Variants in ZNF556 observed in about 807,000 individuals in gnomAD.
The protein encoded by ZNF556 is zinc finger protein 556.
Under a neutral mutation model 13.6 loss-of-function variants are expected in ZNF556, and 11 were observed. That is an observed-to-expected ratio of 0.81 (90% CI 0.51 to 1.33). The LOEUF is 1.33. Among genes scored for constraint, ZNF556 ranks in the 40% most tolerant of loss-of-function variants. The pLI, the probability that ZNF556 is intolerant of heterozygous loss-of-function variation, is 0.00. For missense variants in ZNF556, 633 were observed against 566.2 expected (o/e 1.12, Z -1.20); for synonymous variants, 229 against 207.8 (o/e 1.10, Z -0.88).
At chr19:2,872,097 A>T (rs1407490279) in intron 1 of ZNF556, among the ~76,000 whole-genome samples, 1 of 152,160 alleles carries the variant, frequency 6.6e-6, no homozygotes, top group Admixed American at 6.6e-5. Context: ...GGAACATGAA[A>T]GCGGACTAGG....
chr19:2,877,881 T>C lies in ZNF556; in HGVS notation c.923T>C (p.Ile308Thr). Reference protein sequence around the residue: ...WATSFQRHVRIHNGEKPYKCG... With the variant: ...WATSFQRHVRTHNGEKPYKCG... ...ACATCCTTTCAACGACACGTGAGAA[T>C]TCACAACGGGGAGAAACCCTATAAG... The change falls in exon 4 of 4, where the codon ATT becomes ACT. Residue 308 changes from isoleucine to threonine, a missense_variant. Physicochemically the swap from Ile to Thr is moderately conservative, Grantham distance 89. Coordinates refer to ENST00000307635, the MANE Select transcript of ZNF556 (RefSeq NM_024967.3). 6.2e-7 allele frequency: 1 copy of C among 1,614,156 alleles called. No individual in the cohort carries two copies. The highest frequency in any genetic ancestry group is 2.2e-5 in the East Asian group (1 of 44,868).
intron 3 of ZNF556, among the ~76,000 whole-genome samples, chr19:2,876,661 G>A (rs566271123): frequency 5.3e-5 from 8 of 152,048 alleles, no homozygotes; most frequent in African/African-American, 1.7e-4. Context: ...GTTGCAGCAA[G>A]CCAAGATCGT....
intron 2 of ZNF556, among the ~76,000 whole-genome samples, 179 bp downstream of exon 2, chr19:2,873,801 T>A (rs1317454868): frequency 7.0e-6 from 1 of 142,146 alleles, no homozygotes; most frequent in Non-Finnish European, 1.5e-5. Context: ...AAAAAAAAAA[T>A]CAAAAATTAG....
chr19:2,873,582 A>G lies in ZNF556; in HGVS notation c.90A>G (p.Arg30=), dbSNP rs980276951. Residue 30 remains arginine (R), a synonymous_variant, in exon 2 of 4, where the codon AGA becomes AGG. Transcript: ENST00000307635. ...ATCCTGCTCAGAGAAAACTCTACAG[A>G]GATGTCATGCTGGAGACCTTCAAGC... is the stretch of plus-strand genomic sequence containing the variant. ...LLNPAQRKLY[R]DVMLETFKHL... 2 of 1,614,158 alleles carry G rather than the reference A, an allele frequency of 1.2e-6. No individual in the cohort carries two copies. Among genetic ancestry groups the G allele is most frequent in the Middle Eastern group, 1.6e-4 (1 of 6,062 alleles).
rs1204608792 is a variant in ZNF556, at chr19:2,878,136, C to G, written c.1178C>G (p.Thr393Ser). ...TTACACAAACATGAGAGAAAGCACA[C>G]TGGGGAGAAACCTGTAAATGCAGCC... ...SSLHKHERKH[T>S]GEKPVNAASV... The change falls in exon 4 of 4, where the codon ACT (threonine) becomes AGT (serine). Residue 393 changes from threonine to serine, a missense_variant. Physicochemically the swap from Thr to Ser is moderately conservative, Grantham distance 58. Coordinates refer to ENST00000307635, the MANE Select transcript of ZNF556 (RefSeq NM_024967.3). 2.9e-5 allele frequency: 47 copies of G among 1,614,018 alleles called. No homozygotes were observed. Among genetic ancestry groups the G allele is most frequent in the Non-Finnish European group, 3.6e-5 (43 of 1,180,028 alleles).
At position 2,880,515 on chromosome 19, in the gene ZNF556, T is replaced by A. The variant is rs1195633100; in HGVS notation, c.*2186T>A. On this transcript the variant is annotated 3_prime_UTR_variant, in exon 4 of 4. Transcript: ENST00000307635. ...CAGGCACAGTGGCTCACGCCTGTAA[T>A]CCCAGCACTTTGGGGAGGCCAAGGC... 6.6e-6 allele frequency: 1 copy of A among 152,198 alleles called. No homozygotes were observed. The highest frequency in any genetic ancestry group is 2.4e-5 in the African/African-American group (1 of 41,454). The allele number at this position is 152,198 out of a possible 1,614,324, so 9.4% of individuals were successfully genotyped here. A position where few individuals can be genotyped will look rare whatever the true frequency, so the allele number is the denominator to read the frequency against.
intron 1 of ZNF556, among the ~76,000 whole-genome samples, chr19:2,872,588 A>ATAAC (rs1398805949): frequency 6.6e-6 from 1 of 152,174 alleles, no homozygotes; most frequent in East Asian, 1.9e-4. Context: ...TATATCTGGT[A>ATAAC]TAACTATTCT....
In ZNF556 at chr19:2,867,750, C is replaced by T. The variant is rs373403274; in HGVS notation, c.3+326C>T. Among the ~76,000 whole-genome samples, 105 of 148,732 alleles carry T rather than the reference C, an allele frequency of 7.1e-4. 4 individuals are homozygous for T. The South Asian group carries it at 0.022, about 31-fold the overall frequency. On this transcript the variant is annotated intron_variant, in intron 1 of 3. Coordinates refer to ENST00000307635, the MANE Select transcript of ZNF556 (RefSeq NM_024967.3). Reference sequence around the variant, plus strand: ...AAAAAAAAAAAAAACCTCACCCCAGCGAGGCGGTGCAACAGCCCCAAAGCA... The same window carrying T: ...AAAAAAAAAAAAAACCTCACCCCAGTGAGGCGGTGCAACAGCCCCAAAGCA...
intron 1 of ZNF556, among the ~76,000 whole-genome samples, chr19:2,872,818 CA>C (rs770269518): frequency 0.16 from 12,096 of 74,986 alleles, 532 homozygotes; most frequent in South Asian, 0.21. Context: ...GACTCCATCT[CA>C]AAAAAAAAAA....
At chr19:2,872,209 G>A (rs2087808887) in intron 1 of ZNF556, among the ~76,000 whole-genome samples, 1 of 152,074 alleles carries the variant, frequency 6.6e-6, no homozygotes, top group Admixed American at 6.6e-5. Context: ...AGGTGGAGGA[G>A]TAGAGTCTTC....
Position 2,876,148 on chromosome 19 carries a change from A to G in ZNF556, c.186A>G (p.Gly62=). The change falls in exon 3 of 4, where the codon GGA becomes GGG. Residue 62 remains glycine, a synonymous_variant. Coordinates refer to ENST00000307635, the MANE Select transcript of ZNF556 (RefSeq NM_024967.3). The part of the protein sequence containing the change: ...SGSISQQDTS[G]EKLSLKQKIE... ...CTATTTCTCAGCAGGATACTTCTGG[A>G]GAAAAATTATCCCTCAAACAGAAAA... 1 of 1,612,958 alleles carries G rather than the reference A, an allele frequency of 6.2e-7. No homozygotes were observed. The highest frequency in any genetic ancestry group is 8.5e-7 in the Non-Finnish European group (1 of 1,179,732).
Position 2,881,558 on chromosome 19 carries a change from CAA to C in ZNF556, c.*3230_*3231del, listed in dbSNP as rs1039948460. ...CGCCACTGCACTCCAGCCTGGGCGA[CAA>C]GAGTAAGACTCCATCTCAAAAAAAA... On this transcript the variant is annotated 3_prime_UTR_variant, in exon 4 of 4. Transcript: ENST00000307635. 3 of 147,548 alleles carry C rather than the reference CAA, an allele frequency of 2.0e-5. No individual in the cohort carries two copies. The highest frequency in any genetic ancestry group is 3.0e-5 in the Non-Finnish European group (2 of 67,200). 9.1% of individuals were successfully genotyped at this position (147,548 alleles called of 1,614,324 possible).
intron 2 of ZNF556, among the ~76,000 whole-genome samples, chr19:2,874,501 T>C (rs1308238837): frequency 6.6e-6 from 1 of 151,834 alleles, no homozygotes; most frequent in African/African-American, 2.4e-5. Context: ...TACCAGCACT[T>C]TGGGAGGCCG....
rs1253034962 is a variant in ZNF556 at position 2,879,251 on chromosome 19, A to G, written c.*922A>G. 1 of 152,192 alleles carries G rather than the reference A, an allele frequency of 6.6e-6. No homozygotes were observed. The highest frequency in any genetic ancestry group is 2.4e-5 in the African/African-American group (1 of 41,436). 9.4% of individuals were successfully genotyped at this position (152,192 alleles called of 1,614,324 possible). On this transcript the variant is annotated 3_prime_UTR_variant, in exon 4 of 4. Coordinates refer to ENST00000307635, the MANE Select transcript of ZNF556 (RefSeq NM_024967.3). ...AATACGTATGCATGCAAATTCTTGG[A>G]GGAGTGTAGTCTCGTGGGAACTATT...
In ZNF556 at chr19:2,878,503, TAA is replaced by T. The variant is rs1428377076; in HGVS notation, c.*187_*188del. ...GGCTATGGTGAAACCCCGTCTCTAC[TAA>T]AAAAAAAAAAAATACAAAAAATTAG... On this transcript the variant is annotated 3_prime_UTR_variant, in exon 4 of 4. Transcript: ENST00000307635. The T allele has an allele frequency of 6.0e-3, 2,399 of 398,726 alleles. No individual in the cohort carries two copies. The highest frequency in any genetic ancestry group is 0.01 in the Middle Eastern group (14 of 1,366). The allele number at this position is 398,726 out of a possible 1,614,324, so 24.7% of individuals were successfully genotyped here.
At position 2,877,399 on chromosome 19, in the gene ZNF556, C is replaced by G; in HGVS notation, c.441C>G (p.Tyr147Ter). 1.2e-6 allele frequency: 2 copies of G among 1,614,128 alleles called. No individual in the cohort carries two copies. Among genetic ancestry groups the G allele is most frequent in the Non-Finnish European group, 8.5e-7 (1 of 1,180,024 alleles). The change falls in exon 4 of 4, where the codon TAC becomes TAG. Residue 147 changes from tyrosine (Y) to a stop codon, truncating the protein, a stop_gained. Transcript: ENST00000307635. LOFTEE classifies it low-confidence loss of function (END_TRUNC). ...RKNCCTSVRRYECSQCGKLFT... is the reference protein window; with the variant it reads ...RKNCCTSVRR ...ATTGTTGTACTAGTGTAAGACGGTACGAATGCAGTCAGTGTGGAAAACTCT... is the reference window on the plus strand; with the variant it reads ...ATTGTTGTACTAGTGTAAGACGGTAGGAATGCAGTCAGTGTGGAAAACTCT...
rs985641903 is a variant in ZNF556, at chr19:2,880,401, A to G, written c.*2072A>G. The G allele has an allele frequency of 1.3e-5, 2 of 152,156 alleles. No homozygotes were observed. The highest frequency in any genetic ancestry group is 2.9e-5 in the Non-Finnish European group (2 of 68,028). 9.4% of individuals were successfully genotyped at this position (152,156 alleles called of 1,614,324 possible). On this transcript the variant is annotated 3_prime_UTR_variant, in exon 4 of 4. Transcript: ENST00000307635. ...ATAAGTTGTATACTAACAAATGTCAATCTCTGTTTTTTATTTACTGGGAGA... is the reference window on the plus strand; with the variant it reads ...ATAAGTTGTATACTAACAAATGTCAGTCTCTGTTTTTTATTTACTGGGAGA...
At position 2,878,392 on chromosome 19, in the gene ZNF556, C is replaced by T. The variant is rs111730650; in HGVS notation, c.*63C>T. On this transcript the variant is annotated 3_prime_UTR_variant, in exon 4 of 4. Transcript: ENST00000307635. Reference sequence around the variant, plus strand: ...TTCAGAAAATTCACAGCAGGAGGGCCGGGCGCAGTGGCTCACGCCTGTAAT... The same window carrying T: ...TTCAGAAAATTCACAGCAGGAGGGCTGGGCGCAGTGGCTCACGCCTGTAAT... 1.4e-3 allele frequency: 2,227 copies of T among 1,541,168 alleles called. 18 individuals carry two copies. The African/African-American group carries it at 0.027, about 19-fold the overall frequency.
rs34530807 is a variant in ZNF556, at chr19:2,878,302, A to G, written c.1344A>G (p.Thr448=). ...TTCAAGGTCATGTGAGAAGTCACAC[A>G]GGAAAGAAATCCTGTACATCTAAGT... The part of the protein sequence containing the change: ...KAFQGHVRSH[T]GKKSCTSK Residue 448 remains threonine, a synonymous_variant, in exon 4 of 4, where the codon ACA becomes ACG. Coordinates refer to ENST00000307635, the MANE Select transcript of ZNF556 (RefSeq NM_024967.3). 8.5e-5 allele frequency: 137 copies of G among 1,613,976 alleles called. No homozygotes were observed. The African/African-American group carries it at 1.8e-3, about 21-fold the overall frequency.
Sources: allele counts gnomAD v4.1 joint callset (sites outside exome capture counted in the v4.1 genomes callset), GRCh38; gene constraint gnomAD v4.1.1; transcripts MANE v1.5; gene names NCBI Gene and HGNC (gene_info 2026-07-23, HGNC 2026-07-21).